The following GALNTL6 variants were observed in gnomAD, a reference collection of about 807,000 sequenced individuals.
The protein encoded by GALNTL6 is polypeptide N-acetylgalactosaminyltransferase-like 6.
A neutral mutation model predicts 73.7 loss-of-function variants in GALNTL6; 46 were observed. The ratio of observed to expected loss-of-function variants is 0.62; its 90% confidence interval spans 0.49 to 0.80. The LOEUF (loss-of-function observed/expected upper bound fraction) is 0.80, where lower values mean the gene tolerates loss of function less well. GALNTL6 is among the 30% of genes least tolerant of loss of function. GALNTL6 has a pLI of 0.00. For synonymous variants in GALNTL6, 259 were observed against 263.7 expected, an observed-to-expected ratio of 0.98 and a Z score of 0.17; for missense variants, 604 against 755.0, an observed-to-expected ratio of 0.80 and a Z score of 2.34.
chr4:172,628,219 C>A lies in GALNTL6; in HGVS notation c.554-181142C>A, dbSNP rs572771877. Among the ~76,000 whole-genome samples, 7 of 152,206 alleles carry A rather than the reference C, an allele frequency of 4.6e-5. No homozygotes were observed. The South Asian group carries it at 1.5e-3, about 32-fold the overall frequency. ...TGGTTTATTATTATAATCAAATCAACATCAGTATTCTTTTATATGTACATT... is the reference window on the plus strand; with the variant it reads ...TGGTTTATTATTATAATCAAATCAAAATCAGTATTCTTTTATATGTACATT... On this transcript the variant is annotated intron_variant, in intron 5 of 12. Coordinates refer to ENST00000506823, the MANE Select transcript of GALNTL6 (RefSeq NM_001034845.3).
intron 2 of GALNTL6, among the ~76,000 whole-genome samples, chr4:171,874,458 G>C (rs1736221588): frequency 6.6e-6 from 1 of 152,096 alleles, no homozygotes; most frequent in Non-Finnish European, 1.5e-5. Flanking sequence ...CTAAAATGCT[G>C]GGATTACAGG....
intron 10 of GALNTL6, among the ~76,000 whole-genome samples, chr4:172,971,064 C>T (rs557672326): frequency 2.0e-5 from 3 of 152,242 alleles, no homozygotes; most frequent in Non-Finnish European, 2.9e-5. Flanking sequence ...TGTTCAGGGT[C>T]CCTGACTTCC....
chr4:172,297,652 A>G lies in GALNTL6; in HGVS notation c.248-13962A>G, dbSNP rs1358365316. On this transcript the variant is annotated intron_variant, in intron 3 of 12. Coordinates refer to ENST00000506823, the MANE Select transcript of GALNTL6 (RefSeq NM_001034845.3). ...GTTTTTATCAGGTTTGTCAAAAATCAGATAATTGTAGATATGTGGCATTAT... is the reference window on the plus strand; with the variant it reads ...GTTTTTATCAGGTTTGTCAAAAATCGGATAATTGTAGATATGTGGCATTAT... 2.0e-5 allele frequency among the ~76,000 whole-genome samples: 3 copies of G among 152,206 alleles called. No individual in the cohort carries two copies. The East Asian group carries it at 5.8e-4, about 29-fold the overall frequency.
intron 9 of GALNTL6, among the ~76,000 whole-genome samples, chr4:172,945,613 A>G (rs142736973): frequency 1.4e-3 from 211 of 152,338 alleles, no homozygotes; most frequent in Non-Finnish European, 2.6e-3. Flanking sequence ...CAAAAATACA[A>G]TAGAGATATA....
At chr4:172,976,477 A>T (rs1285960969) in intron 10 of GALNTL6, among the ~76,000 whole-genome samples, 1 of 152,222 alleles carries the variant, frequency 6.6e-6, no homozygotes, top group Non-Finnish European at 1.5e-5. Flanking sequence ...GCATGCCCAG[A>T]AGTACAGTAC....
chr4:172,531,220 C>G (rs338041), intron 5 of GALNTL6, among the ~76,000 whole-genome samples: 150,276 of 152,320 alleles, frequency 0.99, 74,162 homozygotes, highest in Middle Eastern at 1. Context: ...TTCTTCATCT[C>G]TGTGTGGAGC....
intron 5 of GALNTL6, among the ~76,000 whole-genome samples, chr4:172,803,324 G>C (rs752299994): frequency 6.6e-6 from 1 of 152,190 alleles, no homozygotes; most frequent in African/African-American, 2.4e-5. Flanking sequence ...AGTGCCATTA[G>C]ATTCTGATAG....
chr4:172,185,287 T>C (rs958530433), intron 2 of GALNTL6, among the ~76,000 whole-genome samples: 1 of 152,230 alleles, frequency 6.6e-6, no homozygotes, highest in Non-Finnish European at 1.5e-5. Flanking sequence ...GCTTTTTTAC[T>C]ATGACAGTGA....
intron 3 of GALNTL6, among the ~76,000 whole-genome samples, chr4:172,231,519 C>T (rs971191539): frequency 1.3e-5 from 2 of 152,068 alleles, no homozygotes; most frequent in African/African-American, 4.8e-5. Flanking sequence ...CATTATACTC[C>T]ACTGTCAAAT....
intron 5 of GALNTL6, among the ~76,000 whole-genome samples, chr4:172,765,039 T>C (rs1196490165): frequency 6.6e-6 from 1 of 152,190 alleles, no homozygotes; most frequent in African/African-American, 2.4e-5. Context: ...ATAATAGCAA[T>C]CCAGGAATTA....
At chr4:172,378,773 C>A (rs1458889655) in intron 5 of GALNTL6, among the ~76,000 whole-genome samples, 2 of 151,636 alleles carry the variant, frequency 1.3e-5, no homozygotes, top group Non-Finnish European at 2.9e-5. Context: ...CCATTATAAG[C>A]CAAAATTTTT....
chr4:172,491,086 T>C (rs1733877946), intron 5 of GALNTL6, among the ~76,000 whole-genome samples: 1 of 152,134 alleles, frequency 6.6e-6, no homozygotes, highest in Non-Finnish European at 1.5e-5. Context: ...GTTATGGCAT[T>C]TTACATGTGA....
intron 3 of GALNTL6, among the ~76,000 whole-genome samples, chr4:172,301,930 G>A (rs957624263): frequency 1.3e-5 from 2 of 152,158 alleles, no homozygotes; most frequent in African/African-American, 4.8e-5. Flanking sequence ...GCAGAGGTTT[G>A]TGCTGCCTTT....
chr4:172,462,213 T>C (rs1166515795), intron 5 of GALNTL6, among the ~76,000 whole-genome samples: 1 of 152,162 alleles, frequency 6.6e-6, no homozygotes, highest in Non-Finnish European at 1.5e-5. Flanking sequence ...TATTGGGACT[T>C]TTTGGCCTCC....
intron 2 of GALNTL6, among the ~76,000 whole-genome samples, chr4:172,073,274 A>C (rs893650303): frequency 6.6e-6 from 1 of 152,176 alleles, no homozygotes; most frequent in Non-Finnish European, 1.5e-5. Flanking sequence ...CCTTGAAACG[A>C]TGTCTCCCCT....
At chr4:172,354,804 A>T (rs899834281) in intron 5 of GALNTL6, among the ~76,000 whole-genome samples, 1 of 152,140 alleles carries the variant, frequency 6.6e-6, no homozygotes, top group Non-Finnish European at 1.5e-5. Flanking sequence ...CTGGATGTTA[A>T]TGTCTTCAGA....
chr4:172,571,104 C>G (rs193020740), intron 5 of GALNTL6, among the ~76,000 whole-genome samples: 1 of 152,156 alleles, frequency 6.6e-6, no homozygotes, highest in African/African-American at 2.4e-5. Flanking sequence ...TAAAAGGCCA[C>G]AGACTGGTAT....
At chr4:172,242,090 T>C (rs1048937162) in intron 3 of GALNTL6, among the ~76,000 whole-genome samples, 1 of 152,142 alleles carries the variant, frequency 6.6e-6, no homozygotes, top group Non-Finnish European at 1.5e-5. Flanking sequence ...TCGACATTTC[T>C]CCACGTATAA....
chr4:173,022,948 A>C (rs888123221), intron 12 of GALNTL6, among the ~76,000 whole-genome samples: 2 of 152,204 alleles, frequency 1.3e-5, no homozygotes, highest in Non-Finnish European at 2.9e-5. Flanking sequence ...TTACTCCATA[A>C]GCTCCATTCT....
Sources: allele counts gnomAD v4.1 joint callset (sites outside exome capture counted in the v4.1 genomes callset), GRCh38; gene constraint gnomAD v4.1.1; transcripts MANE v1.5; gene names NCBI Gene and HGNC (gene_info 2026-07-23, HGNC 2026-07-21).